The following SERPINE3 variants were observed in gnomAD, a reference collection of about 807,000 sequenced individuals.
SERPINE3 encodes the protein serpin family E member 3.
SERPINE3 carries 43 observed loss-of-function variants against 41.7 expected under a neutral mutation model. The ratio of observed to expected loss-of-function variants is 1.03; its 90% CI spans 0.81 to 1.33. The LOEUF (loss-of-function observed/expected upper bound fraction) is 1.33, where lower values mean the gene tolerates loss of function less well. Ranked by LOEUF, SERPINE3 falls within the 40% of genes most tolerant of loss-of-function variation. SERPINE3 has a pLI of 0.00. For synonymous variants in SERPINE3, 200 were observed against 192.2 expected, an observed-to-expected ratio of 1.04 and a Z score of -0.34; for missense variants, 440 against 491.7, an observed-to-expected ratio of 0.89 and a Z score of 0.99.
chr13:51,355,790 TACA>T lies in SERPINE3; in HGVS notation c.1000+649_1000+651del, dbSNP rs67800478. ...GGAGTGAATGCCAGAACCTATGTTC[TACA>T]ATCCTCTCAAGACACCATTGGCTAA... On this transcript the variant is annotated intron_variant, in intron 7 of 9. Transcript: ENST00000681248. Among the ~76,000 whole-genome samples, 1,287 of 152,314 alleles carry T rather than the reference TACA, an allele frequency of 8.4e-3. 21 individuals are homozygous for T. Among genetic ancestry groups the T allele is most frequent in the African/African-American group, 0.03 (1,244 of 41,562 alleles).
At chr13:51,362,045 TAAGA>T (rs748856209) in intron 9 of SERPINE3, 152 bp downstream of exon 9, 24 of 1,582,858 alleles carry the variant, frequency 1.5e-5, no homozygotes, top group Admixed American at 1.2e-4. Flanking sequence ...TCTTCTATCC[TAAGA>T]AAGGGGACTA....
intron 6 of SERPINE3, among the ~76,000 whole-genome samples, chr13:51,351,462 G>A (rs1018319124): frequency 1.3e-5 from 2 of 152,108 alleles, no homozygotes; most frequent in Non-Finnish European, 2.9e-5. Context: ...GTCTATTTCA[G>A]AGGTTTTTCC....
At chr13:51,361,478 G>C in intron 8 of SERPINE3, 114 bp downstream of exon 8, 1 of 718,684 alleles carries the variant, frequency 1.4e-6, no homozygotes, top group Non-Finnish European at 2.3e-6. Flanking sequence ...TTCAGGTGTG[G>C]TGTAGTATTT....
chr13:51,350,873 A>AAATTATACAATTACATATTGTAC (rs1955396675), intron 6 of SERPINE3, among the ~76,000 whole-genome samples: 1 of 152,160 alleles, frequency 6.6e-6, no homozygotes, highest in South Asian at 2.1e-4. Context: ...CATGTAAGTG[A>AAATTATACAATTACATATTGTAC]AATTATACAA....
At chr13:51,344,583 CT>C in intron 4 of SERPINE3, 98 bp downstream of exon 4, 1 of 905,606 alleles carries the variant, frequency 1.1e-6, no homozygotes, top group Non-Finnish European at 1.8e-6. Flanking sequence ...CTCAGGCCAC[CT>C]TCAATTACAG....
chr13:51,341,655 A>G (rs1038909791), intron 3 of SERPINE3, among the ~76,000 whole-genome samples: 4 of 152,124 alleles, frequency 2.6e-5, no homozygotes, highest in African/African-American at 9.7e-5. Flanking sequence ...GTTTCATGGC[A>G]ATGTTTCAGT....
rs2137760473 is a variant in SERPINE3 at position 51,341,279 on chromosome 13, T to C, written c.188T>C (p.Ile63Thr). 2 of 1,613,908 alleles carry C rather than the reference T, an allele frequency of 1.2e-6. No individual in the cohort carries two copies. The highest frequency in any genetic ancestry group is 4.5e-5 in the East Asian group (2 of 44,880). ...GCTGGTGTGTCCCTCCCCCTGGAGATCCTGCAGTTTGGAGCAGAAGGGAGC... is the reference window on the plus strand; with the variant it reads ...GCTGGTGTGTCCCTCCCCCTGGAGACCCTGCAGTTTGGAGCAGAAGGGAGC... ...SPAGVSLPLE[I>T]LQFGAEGSTG... Residue 63 changes from isoleucine (I) to threonine (T), a missense_variant, in exon 3 of 10, where the codon ATC (isoleucine) becomes ACC (threonine). Physicochemically the swap from Ile to Thr is moderately conservative, Grantham distance 89. Transcript: ENST00000681248.
chr13:51,345,284 T>C (rs1213141322), intron 4 of SERPINE3, among the ~76,000 whole-genome samples: 1 of 152,114 alleles, frequency 6.6e-6, no homozygotes, highest in Non-Finnish European at 1.5e-5. Flanking sequence ...TCCTTGATCA[T>C]TTCAAAAGTT....
intron 7 of SERPINE3, among the ~76,000 whole-genome samples, chr13:51,356,401 A>G (rs1345919469): frequency 6.6e-6 from 1 of 152,186 alleles, no homozygotes; most frequent in Non-Finnish European, 1.5e-5. Flanking sequence ...AGAGAATTCT[A>G]TGTTTGATAA....
At chr13:51,345,592 CAAAAAAAAAAAAAA>C (rs753888958) in intron 4 of SERPINE3, among the ~76,000 whole-genome samples, 244 of 37,066 alleles carry the variant, frequency 6.6e-3, no homozygotes, top group African/African-American at 0.02. Context: ...GATTTCATCT[CAAAAAAAAAAAAAA>C]AAAAAAAAAA....
chr13:51,361,387 C>T, intron 8 of SERPINE3, 23 bp downstream of exon 8: 1 of 1,421,208 alleles, frequency 7.0e-7, no homozygotes, highest in East Asian at 2.3e-5. Context: ...AATACCCAGT[C>T]ACACTGCTTA....
intron 3 of SERPINE3, among the ~76,000 whole-genome samples, chr13:51,342,631 T>A (rs1317622079): frequency 1.3e-5 from 2 of 152,180 alleles, no homozygotes; most frequent in Admixed American, 1.3e-4. Flanking sequence ...ACTCTACTAT[T>A]TTAATGTTTC....
At chr13:51,351,365 A>G (rs1955401203) in intron 6 of SERPINE3, among the ~76,000 whole-genome samples, 1 of 152,132 alleles carries the variant, frequency 6.6e-6, no homozygotes, top group African/African-American at 2.4e-5. Flanking sequence ...GTAGTATCTC[A>G]TTGTGGACTT....
intron 9 of SERPINE3, chr13:51,362,546 T>TG (rs1955602639): frequency 6.6e-6 from 1 of 152,658 alleles, no homozygotes; most frequent in Non-Finnish European, 1.5e-5. Flanking sequence ...CACTCACAAT[T>TG]ACTTAGCCTA....
chr13:51,358,705 C>T (rs1357406255), intron 7 of SERPINE3, among the ~76,000 whole-genome samples: 1 of 151,970 alleles, frequency 6.6e-6, no homozygotes, highest in Admixed American at 6.6e-5. Context: ...ATTTATGCTT[C>T]TAGGAGCTAA....
At chr13:51,360,771 A>G (rs1955562136) in intron 7 of SERPINE3, among the ~76,000 whole-genome samples, 3 of 152,074 alleles carry the variant, frequency 2.0e-5, no homozygotes, top group African/African-American at 7.2e-5. Context: ...AAAGCCTGTA[A>G]TAAAAACCTG....
At chr13:51,355,464 GA>G (rs746314336) in intron 7 of SERPINE3, among the ~76,000 whole-genome samples, 11 of 152,134 alleles carry the variant, frequency 7.2e-5, no homozygotes, top group Non-Finnish European at 1.3e-4. Context: ...TGCAGCAATA[GA>G]TTCTTCATTA....
At chr13:51,354,859 G>T (rs1955455199) in intron 6 of SERPINE3, among the ~76,000 whole-genome samples, 184 bp from the exon 7 acceptor site, 1 of 152,198 alleles carries the variant, frequency 6.6e-6, no homozygotes, top group East Asian at 1.9e-4. Flanking sequence ...GAGTACAGAG[G>T]TGGGGAAGAG....
intron 3 of SERPINE3, 71 bp from the exon 4 acceptor site, chr13:51,344,181 T>C: frequency 9.3e-7 from 1 of 1,073,912 alleles, no homozygotes; most frequent in Admixed American, 1.9e-5. Context: ...CAATGCAATG[T>C]GTGCTGGAGG....
Sources: allele counts gnomAD v4.1 joint callset (sites outside exome capture counted in the v4.1 genomes callset), GRCh38; gene constraint gnomAD v4.1.1; transcripts MANE v1.5; gene names NCBI Gene and HGNC (gene_info 2026-07-23, HGNC 2026-07-21).